DPYD: variants seen among roughly 807,000 people sequenced by gnomAD.
The protein encoded by DPYD is dihydropyrimidine dehydrogenase [NADP(+)].
DPYD carries 109 observed loss-of-function variants against 116.2 expected under a neutral mutation model. The ratio of observed to expected loss-of-function variants is 0.94; its 90% CI spans 0.80 to 1.10. The LOEUF (loss-of-function observed/expected upper bound fraction) is 1.10. Ranked by LOEUF, DPYD falls within the 50% of genes least tolerant of loss-of-function variation. The pLI is 0.00. For synonymous variants in DPYD, 440 were observed against 432.0 expected (o/e 1.02, Z -0.23); for missense variants, 1,302 against 1,254.5 (o/e 1.04, Z -0.57).
At chr1:97,575,578 TAC>T (rs1167847594) in intron 10 of DPYD, among the ~76,000 whole-genome samples, 4 of 152,194 alleles carry the variant, frequency 2.6e-5, no homozygotes, top group Non-Finnish European at 5.9e-5. Context: ...TAAAAATTAT[TAC>T]ACAGTCTTTC....
chr1:97,788,154 C>T (rs1442149529), intron 3 of DPYD, among the ~76,000 whole-genome samples: 2 of 152,122 alleles, frequency 1.3e-5, no homozygotes, highest in South Asian at 2.1e-4. Flanking sequence ...GGGGAAGAAA[C>T]AAAGCTACAG....
intron 11 of DPYD, among the ~76,000 whole-genome samples, chr1:97,561,244 C>T (rs961590951): frequency 1.3e-5 from 2 of 152,150 alleles, no homozygotes; most frequent in Admixed American, 6.5e-5. Context: ...AAAGAGAAAG[C>T]ATCCAGCGTC....
intron 20 of DPYD, among the ~76,000 whole-genome samples, chr1:97,189,603 T>C (rs1278341852): frequency 6.6e-6 from 1 of 152,218 alleles, no homozygotes; most frequent in African/African-American, 2.4e-5. Flanking sequence ...TTTTCTTTTC[T>C]GAAATCACTA....
chr1:97,115,851 GC>G (rs1278182029), intron 20 of DPYD, among the ~76,000 whole-genome samples: 1 of 152,036 alleles, frequency 6.6e-6, no homozygotes, highest in Non-Finnish European at 1.5e-5. Context: ...TAGACCTGAG[GC>G]CCACTTCTAA....
At chr1:97,393,385 C>T (rs7536690) in intron 14 of DPYD, among the ~76,000 whole-genome samples, 64,678 of 151,422 alleles carry the variant, frequency 0.43, 14,340 homozygotes, top group Admixed American at 0.52. Flanking sequence ...TGTTGGTGTG[C>T]TGCACCCATT....
intron 13 of DPYD, among the ~76,000 whole-genome samples, chr1:97,502,363 A>G (rs1679633152): frequency 6.6e-6 from 1 of 152,076 alleles, no homozygotes; most frequent in Non-Finnish European, 1.5e-5. Flanking sequence ...ACCAGCAAGA[A>G]CAGTTATTGA....
chr1:97,139,212 G>C (rs927772884), intron 20 of DPYD, among the ~76,000 whole-genome samples: 2 of 152,142 alleles, frequency 1.3e-5, no homozygotes, highest in Non-Finnish European at 2.9e-5. Flanking sequence ...CATCGGTGAT[G>C]AACAAGTCAG....
chr1:97,490,426 C>T (rs1557748947), intron 13 of DPYD, among the ~76,000 whole-genome samples: 1 of 146,936 alleles, frequency 6.8e-6, no homozygotes, highest in African/African-American at 2.5e-5. Flanking sequence ...GTATAACACA[C>T]TAATAATTGT....
intron 2 of DPYD, among the ~76,000 whole-genome samples, chr1:97,831,194 T>C (rs1428673428): frequency 6.6e-6 from 1 of 152,242 alleles, no homozygotes; most frequent in Non-Finnish European, 1.5e-5. Context: ...GACACATGAT[T>C]TGAATTATAT....
chr1:97,908,027 T>C (rs1432539037), intron 1 of DPYD, among the ~76,000 whole-genome samples: 1 of 152,002 alleles, frequency 6.6e-6, no homozygotes, highest in Non-Finnish European at 1.5e-5. Context: ...TGCATAGTCA[T>C]AAGGCTATCT....
chr1:97,437,677 G>T (rs1243496171), intron 14 of DPYD, among the ~76,000 whole-genome samples: 1 of 151,892 alleles, frequency 6.6e-6, no homozygotes, highest in Non-Finnish European at 1.5e-5. Flanking sequence ...TTTTCTTTCA[G>T]TCTGTCATCT....
At chr1:97,741,994 C>T (rs1664295132) in intron 3 of DPYD, among the ~76,000 whole-genome samples, 1 of 152,056 alleles carries the variant, frequency 6.6e-6, no homozygotes, top group Non-Finnish European at 1.5e-5. Flanking sequence ...AAAGAGTATG[C>T]ACCAGTGCCT....
At chr1:97,195,519 GGAGAGAGAGA>G (rs3050245) in intron 19 of DPYD, among the ~76,000 whole-genome samples, 14,772 of 74,668 alleles carry the variant, frequency 0.2, 2,301 homozygotes, top group African/African-American at 0.4. Flanking sequence ...AATGGGATAA[GGAGAGAGAGA>G]GAGAGAGAGA....
intron 20 of DPYD, among the ~76,000 whole-genome samples, chr1:97,115,145 T>C (rs546041975): frequency 6.6e-6 from 1 of 152,320 alleles, no homozygotes; most frequent in South Asian, 2.1e-4. Context: ...TGGGTTCTAT[T>C]ACACAGAGGA....
chr1:97,505,843 G>A (rs1647286631), intron 13 of DPYD, among the ~76,000 whole-genome samples: 1 of 151,908 alleles, frequency 6.6e-6, no homozygotes. Context: ...GTGAGAAACT[G>A]TTTCAGACAC....
intron 7 of DPYD, among the ~76,000 whole-genome samples, chr1:97,686,854 G>A (rs1405326377): frequency 6.6e-6 from 1 of 151,922 alleles, no homozygotes; most frequent in Non-Finnish European, 1.5e-5. Flanking sequence ...TCATCAGAGT[G>A]AAGAGGCAAC....
At chr1:97,322,234 TA>T (rs199970686) in intron 16 of DPYD, among the ~76,000 whole-genome samples, 35,620 of 146,092 alleles carry the variant, frequency 0.24, 5,308 homozygotes, top group Admixed American at 0.39. Flanking sequence ...TAAAGTATAA[TA>T]AAAAAAAATA....
intron 3 of DPYD, among the ~76,000 whole-genome samples, chr1:97,783,860 G>A (rs943757776): frequency 6.6e-6 from 1 of 152,106 alleles, no homozygotes; most frequent in Non-Finnish European, 1.5e-5. Context: ...CCAATATCAT[G>A]GTAACAGAAA....
At chr1:97,195,498 C>A in intron 19 of DPYD, among the ~76,000 whole-genome samples, 1 of 114,958 alleles carries the variant, frequency 8.7e-6, no homozygotes, top group Non-Finnish European at 1.8e-5. Flanking sequence ...CTAGGAGGTT[C>A]CAGAATGGGG....
Sources: gnomAD v4.1 joint callset for allele counts (sites outside exome capture counted in the v4.1 genomes callset) on GRCh38, gnomAD v4.1.1 for gene constraint, MANE v1.5 for transcripts, NCBI Gene and HGNC (gene_info 2026-07-23, HGNC 2026-07-21) for gene names.